Variants in TACR3 observed in about 807,000 individuals in gnomAD.
The protein encoded by TACR3 is tachykinin receptor 3, also known as neuromedin-K receptor.
TACR3 carries 34 observed loss-of-function variants against 35.0 expected under a neutral mutation model. The ratio of observed to expected loss-of-function variants is 0.97; its 90% confidence interval spans 0.74 to 1.30. The LOEUF (loss-of-function observed/expected upper bound fraction) is 1.30, where lower values mean the gene tolerates loss of function less well. Ranked by LOEUF, TACR3 falls within the 50% of genes most tolerant of loss-of-function variation. The pLI is 0.00. For synonymous variants in TACR3, 233 were observed against 221.1 expected (o/e 1.05, Z -0.48); for missense variants, 558 against 591.7 (o/e 0.94, Z 0.59).
intron 1 of TACR3, among the ~76,000 whole-genome samples, chr4:103,671,048 T>C (rs1341623401): frequency 1.3e-5 from 2 of 152,080 alleles, no homozygotes; most frequent in Non-Finnish European, 2.9e-5. Context: ...AAATGCTTTT[T>C]TAGCATCTTC....
intron 1 of TACR3, among the ~76,000 whole-genome samples, chr4:103,675,755 C>T (rs1350713043): frequency 6.6e-6 from 1 of 152,024 alleles, no homozygotes; most frequent in South Asian, 2.1e-4. Context: ...ATCATTTCCT[C>T]CCATTTCCTC....
At chr4:103,629,867 A>C (rs1414393623) in intron 3 of TACR3, among the ~76,000 whole-genome samples, 40 of 132,660 alleles carry the variant, frequency 3.0e-4, no homozygotes, top group South Asian at 9.3e-4. Context: ...AAAACAAAAA[A>C]AAAACAAAAA....
chr4:103,598,297 GTTGT>G lies in TACR3; in HGVS notation c.889-6618_889-6615del, dbSNP rs1475024951. Reference sequence around the variant, plus strand: ...TATCCTTCGCCCACTTTTTGATGAGGTTGTTTGTTTTTTTCTTGTAAATTTGTTT... The same window carrying G: ...TATCCTTCGCCCACTTTTTGATGAGGTTGTTTTTTTCTTGTAAATTTGTTT... On this transcript the variant is annotated intron_variant, in intron 3 of 4. Coordinates refer to ENST00000304883, the MANE Select transcript of TACR3 (RefSeq NM_001059.3). 3.2e-4 allele frequency among the ~76,000 whole-genome samples: 48 copies of G among 152,244 alleles called. No homozygotes were observed. In the South Asian group the frequency reaches 9.3e-3, roughly 30 times the overall value.
chr4:103,657,663 T>C (rs1346176928), intron 2 of TACR3, among the ~76,000 whole-genome samples: 2 of 152,134 alleles, frequency 1.3e-5, no homozygotes, highest in Non-Finnish European at 2.9e-5. Flanking sequence ...CTTCTTGCTC[T>C]ATTTAATGTG....
chr4:103,594,129 T>C (rs553822859), intron 3 of TACR3, among the ~76,000 whole-genome samples: 1 of 152,156 alleles, frequency 6.6e-6, no homozygotes, highest in Non-Finnish European at 1.5e-5. Flanking sequence ...TTTACTGCTA[T>C]TTCTGCTTTC....
At chr4:103,665,252 T>C (rs1394763934) in intron 1 of TACR3, among the ~76,000 whole-genome samples, 2 of 151,994 alleles carry the variant, frequency 1.3e-5, no homozygotes, top group Non-Finnish European at 2.9e-5. Context: ...TATATGACTA[T>C]GACTATTCAT....
At chr4:103,611,470 A>G (rs1206579800) in intron 3 of TACR3, among the ~76,000 whole-genome samples, 2 of 152,184 alleles carry the variant, frequency 1.3e-5, no homozygotes, top group Non-Finnish European at 2.9e-5. Flanking sequence ...TTAAAGAGCA[A>G]AAGTAAGGTA....
In TACR3 at chr4:103,719,117, C is replaced by T. The variant is rs779239020; in HGVS notation, c.548+11G>A. 1.2e-6 allele frequency: 2 copies of T among 1,614,186 alleles called. No individual in the cohort carries two copies. The highest frequency in any genetic ancestry group is 3.3e-5 in the Admixed American group (2 of 60,030). ...TTCTCCCTCTTTCCTCTCTGTCTGT[C>T]CTCTCCTCACCTGTCCACCGCAATG... On this transcript the variant is annotated intron_variant, in intron 1 of 4. Transcript: ENST00000304883.
At chr4:103,596,137 A>C (rs1724010495) in intron 3 of TACR3, among the ~76,000 whole-genome samples, 1 of 147,194 alleles carries the variant, frequency 6.8e-6, no homozygotes, top group Non-Finnish European at 1.5e-5. Context: ...CGTTTTCTTA[A>C]TCCAGTCTAT....
chr4:103,635,953 GTCTC>G (rs984234645), intron 3 of TACR3, among the ~76,000 whole-genome samples: 3 of 151,544 alleles, frequency 2.0e-5, no homozygotes, highest in South Asian at 2.1e-4. Flanking sequence ...TTCTAACACA[GTCTC>G]TCTCTCTTTC....
rs1286455435 is a variant in TACR3 at position 103,587,081 on chromosome 4, C to G, written c.*2601G>C. The G allele has an allele frequency of 6.6e-6, 1 of 151,964 alleles. No homozygotes were observed. Among genetic ancestry groups the G allele is most frequent in the Non-Finnish European group, 1.5e-5 (1 of 67,992 alleles). The allele number at this position is 151,964 out of a possible 1,614,324, so 9.4% of individuals were successfully genotyped here. On this transcript the variant is annotated 3_prime_UTR_variant, in exon 5 of 5. Coordinates refer to ENST00000304883, the MANE Select transcript of TACR3 (RefSeq NM_001059.3). ...AAAGATTCATACTGAACTTTAGAAA[C>G]AGAGGGTAGAGTAAATTTTGAAGGC...
chr4:103,706,490 C>A (rs1722792806), intron 1 of TACR3, among the ~76,000 whole-genome samples: 1 of 151,922 alleles, frequency 6.6e-6, no homozygotes, highest in Non-Finnish European at 1.5e-5. Flanking sequence ...TAATTTTATA[C>A]TGTTTTAATA....
Position 103,658,222 on chromosome 4 carries a change from G to A in TACR3, c.730C>T (p.His244Tyr), listed in dbSNP as rs1464819488. ...AATAGAGAATTAACTTACGTGAAAT[G>A]TTGTTTGGGACCTTCTGGCCATTGC... ...FVQWPEGPKQ[H>Y]FTYHIIVIIL... The change falls in exon 2 of 5, where the codon CAT (histidine) becomes TAT (tyrosine). Residue 244 changes from histidine to tyrosine, a missense_variant. By Grantham distance (83) the His-to-Tyr change is moderately conservative. Coordinates refer to ENST00000304883, the MANE Select transcript of TACR3 (RefSeq NM_001059.3). The A allele has an allele frequency of 5.0e-6, 8 of 1,613,760 alleles. No homozygotes were observed. Among genetic ancestry groups the A allele is most frequent in the Non-Finnish European group, 5.9e-6 (7 of 1,179,876 alleles).
rs566871630 is a variant in TACR3 at position 103,630,124 on chromosome 4, A to C, written c.888+26070T>G. Among the ~76,000 whole-genome samples, 15 of 152,312 alleles carry C rather than the reference A, an allele frequency of 9.8e-5. No individual in the cohort carries two copies. The South Asian group carries it at 2.9e-3, about 29-fold the overall frequency. On this transcript the variant is annotated intron_variant, in intron 3 of 4. Transcript: ENST00000304883. ...CTATTTAATAAATGGTGCTGGGGAA[A>C]CTGGCTGCCCTATGAAGAAAACTGA...
intron 3 of TACR3, among the ~76,000 whole-genome samples, chr4:103,603,415 T>C (rs1021364005): frequency 1.6e-4 from 24 of 152,214 alleles, no homozygotes; most frequent in Admixed American, 1.3e-4. Context: ...GCACCTACTG[T>C]CTGGCACTCC....
chr4:103,671,131 C>T (rs988273202), intron 1 of TACR3, among the ~76,000 whole-genome samples: 7 of 151,856 alleles, frequency 4.6e-5, no homozygotes, highest in Admixed American at 1.3e-4. Context: ...TGATGTGAAT[C>T]TCACCTGATC....
At chr4:103,649,805 G>A (rs1725540930) in intron 3 of TACR3, among the ~76,000 whole-genome samples, 1 of 152,062 alleles carries the variant, frequency 6.6e-6, no homozygotes, top group South Asian at 2.1e-4. Context: ...CCGTCTGAAA[G>A]GTCACATATC....
Position 103,683,889 on chromosome 4 carries a change from C to T in TACR3, c.549-25486G>A, listed in dbSNP as rs368675057. ...AGGAGAGAGAGAGAGGAGAGCCAGACAGAAATACATCATCCAAAAATGGTA... is the reference window on the plus strand; with the variant it reads ...AGGAGAGAGAGAGAGGAGAGCCAGATAGAAATACATCATCCAAAAATGGTA... On this transcript the variant is annotated intron_variant, in intron 1 of 4. Coordinates refer to ENST00000304883, the MANE Select transcript of TACR3 (RefSeq NM_001059.3). Among the ~76,000 whole-genome samples the T allele has an allele frequency of 8.4e-4, 127 of 151,728 alleles. 1 individual carries two copies. In the Middle Eastern group the frequency reaches 0.017, roughly 20 times the overall value.
At chr4:103,692,313 A>G (rs1722421947) in intron 1 of TACR3, among the ~76,000 whole-genome samples, 1 of 152,160 alleles carries the variant, frequency 6.6e-6, no homozygotes, top group South Asian at 2.1e-4. Flanking sequence ...TGTATTATTA[A>G]ATATAAAGAA....
Sources: gnomAD v4.1 joint callset for allele counts (sites outside exome capture counted in the v4.1 genomes callset) on GRCh38, gnomAD v4.1.1 for gene constraint, MANE v1.5 for transcripts, NCBI Gene and HGNC (gene_info 2026-07-23, HGNC 2026-07-21) for gene names.